OPCML: variants seen among roughly 807,000 people sequenced by gnomAD.
The protein encoded by OPCML is opioid-binding protein/cell adhesion molecule.
A neutral mutation model predicts 37.8 loss-of-function variants in OPCML; 13 were observed. That is an observed-to-expected ratio of 0.34 (90% confidence interval 0.22 to 0.55). The LOEUF (loss-of-function observed/expected upper bound fraction) is 0.55, where lower values mean the gene tolerates loss of function less well. Among genes scored for constraint, OPCML ranks in the 20% least tolerant of loss-of-function variants. The probability of loss-of-function intolerance (pLI) is 0.91; values close to 1 mark genes in which losing one functional copy is unlikely to be tolerated. For missense variants in OPCML, 341 were observed against 435.6 expected (o/e 0.78, Z 1.93); for synonymous variants, 176 against 168.8 (o/e 1.04, Z -0.33).
chr11:132,689,912 T>C (rs181372100), intron 2 of OPCML, among the ~76,000 whole-genome samples: 2 of 152,308 alleles, frequency 1.3e-5, no homozygotes, highest in East Asian at 1.9e-4. Context: ...TAAGTAATCA[T>C]TTATAGGAAA....
intron 1 of OPCML, among the ~76,000 whole-genome samples, chr11:133,486,461 C>CT (rs202212758): frequency 1.2e-4 from 18 of 151,398 alleles, no homozygotes; most frequent in African/African-American, 2.2e-4. Flanking sequence ...TTAAACACTT[C>CT]TTTTTTTTTC....
chr11:132,722,960 G>A (rs146626008), intron 2 of OPCML, among the ~76,000 whole-genome samples: 4 of 152,292 alleles, frequency 2.6e-5, no homozygotes, highest in Non-Finnish European at 5.9e-5. Context: ...AGTGAGAGAT[G>A]GAGGTTGATT....
chr11:133,041,509 A>G (rs896156019), intron 1 of OPCML, among the ~76,000 whole-genome samples: 2 of 152,186 alleles, frequency 1.3e-5, no homozygotes, highest in African/African-American at 4.8e-5. Context: ...GAAGTAGATG[A>G]GGAATAACTT....
intron 1 of OPCML, among the ~76,000 whole-genome samples, chr11:133,436,171 G>A (rs532206791): frequency 6.6e-6 from 1 of 152,138 alleles, no homozygotes; most frequent in Admixed American, 6.5e-5. Flanking sequence ...CTACTGCAAT[G>A]AGAACAACAA....
intron 2 of OPCML, among the ~76,000 whole-genome samples, chr11:132,691,290 C>T (rs1414700233): frequency 6.6e-6 from 1 of 152,198 alleles, no homozygotes; most frequent in Non-Finnish European, 1.5e-5. Context: ...CTCCTGACCT[C>T]CCATTGCATG....
rs191065516 is a variant in OPCML, at chr11:133,281,794, C to T, written c.61+250470G>A. Among the ~76,000 whole-genome samples the T allele has an allele frequency of 1.6e-4, 25 of 152,038 alleles. 1 individual carries two copies. The highest frequency in any genetic ancestry group is 9.2e-4 in the Admixed American group (14 of 15,264). ...GTAAAATCCAGACTGTCAATGGTCT[C>T]GGGTGGAAATAATGAACTTATCGGA... On this transcript the variant is annotated intron_variant, in intron 1 of 7. Transcript: ENST00000524381.
chr11:132,965,202 TG>T (rs1375282867), intron 1 of OPCML, among the ~76,000 whole-genome samples: 1 of 152,206 alleles, frequency 6.6e-6, no homozygotes, highest in Non-Finnish European at 1.5e-5. Flanking sequence ...CTTCCTCATC[TG>T]GAAATAAGTA....
At chr11:133,148,773 A>T (rs1303151187) in intron 1 of OPCML, among the ~76,000 whole-genome samples, 2 of 152,210 alleles carry the variant, frequency 1.3e-5, no homozygotes, top group Admixed American at 1.3e-4. Context: ...CCAGGATCAG[A>T]GAGACCCAAC....
At chr11:133,256,762 A>G (rs1941323998) in intron 1 of OPCML, among the ~76,000 whole-genome samples, 1 of 152,252 alleles carries the variant, frequency 6.6e-6, no homozygotes, top group Admixed American at 6.5e-5. Context: ...AAACATAATG[A>G]TATAGATTAC....
chr11:133,080,472 ATGTT>A (rs1344473291), intron 1 of OPCML, among the ~76,000 whole-genome samples: 2 of 124,678 alleles, frequency 1.6e-5, no homozygotes, highest in Admixed American at 1.7e-4. Flanking sequence ...TGGTAATCAA[ATGTT>A]TTTTTTTTTT....
At chr11:133,325,865 G>C (rs901554555) in intron 1 of OPCML, among the ~76,000 whole-genome samples, 1 of 152,164 alleles carries the variant, frequency 6.6e-6, no homozygotes, top group African/African-American at 2.4e-5. Flanking sequence ...GCGGCCCTCT[G>C]TTCTGGACTC....
intron 1 of OPCML, among the ~76,000 whole-genome samples, chr11:133,198,311 G>A (rs1938619887): frequency 1.3e-5 from 2 of 152,232 alleles, no homozygotes. Context: ...TCACAGTTCT[G>A]AGTTTTAAAA....
chr11:132,926,612 A>G (rs1366803687), intron 2 of OPCML, among the ~76,000 whole-genome samples: 1 of 152,154 alleles, frequency 6.6e-6, no homozygotes, highest in South Asian at 2.1e-4. Context: ...GCTTACAAAG[A>G]CTTGAAGAGG....
chr11:132,922,686 G>A (rs1476597198), intron 2 of OPCML, among the ~76,000 whole-genome samples: 3 of 152,114 alleles, frequency 2.0e-5, no homozygotes, highest in Non-Finnish European at 4.4e-5. Flanking sequence ...TTAACAAAAA[G>A]AGTAAAGCAA....
chr11:132,606,731 A>G (rs1342683926), intron 3 of OPCML, among the ~76,000 whole-genome samples: 1 of 152,210 alleles, frequency 6.6e-6, no homozygotes, highest in Non-Finnish European at 1.5e-5. Flanking sequence ...TGAAGTTAGG[A>G]GATGGCGAAA....
At chr11:132,501,722 A>AT (rs1469858908) in intron 4 of OPCML, among the ~76,000 whole-genome samples, 1 of 152,202 alleles carries the variant, frequency 6.6e-6, no homozygotes, top group African/African-American at 2.4e-5. Context: ...TCAACATAGA[A>AT]TTTTTTAAAT....
chr11:132,919,096 G>A (rs554752553), intron 2 of OPCML, among the ~76,000 whole-genome samples: 35 of 152,318 alleles, frequency 2.3e-4, no homozygotes, highest in African/African-American at 7.7e-4. Flanking sequence ...GAGAGTATAA[G>A]TAGATAGATA....
At chr11:132,454,803 A>T (rs1291423542) in intron 4 of OPCML, among the ~76,000 whole-genome samples, 1 of 152,206 alleles carries the variant, frequency 6.6e-6, no homozygotes, top group Non-Finnish European at 1.5e-5. Flanking sequence ...AACTGCAGGG[A>T]CATATAATAT....
chr11:132,704,193 T>C (rs1445708867), intron 2 of OPCML, among the ~76,000 whole-genome samples: 3 of 152,124 alleles, frequency 2.0e-5, no homozygotes, highest in Non-Finnish European at 4.4e-5. Flanking sequence ...TAAATTACTA[T>C]ATGCAATTAA....
Sources: allele counts gnomAD v4.1 joint callset (sites outside exome capture counted in the v4.1 genomes callset), GRCh38; gene constraint gnomAD v4.1.1; transcripts MANE v1.5; gene names NCBI Gene and HGNC (gene_info 2026-07-23, HGNC 2026-07-21).